Variants in TTN observed in about 807,000 individuals in gnomAD.
TTN encodes titin.
Under a neutral mutation model 3,223.0 loss-of-function variants are expected in TTN, and 1,525 were observed. That is an observed-to-expected ratio of 0.47 (90% confidence interval 0.45 to 0.49). The LOEUF (loss-of-function observed/expected upper bound fraction) is 0.49. Among genes scored for constraint, TTN ranks in the 20% least tolerant of loss-of-function variants. The pLI, the probability that TTN is intolerant of heterozygous loss-of-function variation, is 0.00. For missense variants in TTN, 40,786 were observed against 43,424.0 expected (o/e 0.94, Z 5.40); for synonymous variants, 14,094 against 15,161.0 (o/e 0.93, Z 5.17).
Position 178,681,159 on chromosome 2 carries a change from G to A in TTN, c.33260C>T (p.Pro11087Leu). 6.2e-7 allele frequency: 1 copy of A among 1,600,872 alleles called. No homozygotes were observed. The highest frequency in any genetic ancestry group is 1.1e-5 in the South Asian group (1 of 87,132). The stretch of plus-strand genomic sequence containing the variant: ...TATTTTTTCCTCAAAAACTTTCTTT[G>A]GTTCTTCAGGCACTTTAAAGATATT... Reference protein sequence around the residue: ...KPPPPKVPEEPKKVFEEKIRI... With the variant: ...KPPPPKVPEELKKVFEEKIRI... The change falls in exon 138 of 363, where the codon CCA becomes CTA. Residue 11087 changes from proline (P) to leucine (L), a missense_variant. Physicochemically the swap from Pro to Leu is moderately conservative, Grantham distance 98. Coordinates refer to ENST00000589042, the MANE Select transcript of TTN (RefSeq NM_001267550.2).
chr2:178,719,974 G>A lies in TTN; in HGVS notation c.23659+9C>T. ...TTGATTTTTTCTCTGGCTGTGCTTT[G>A]CTACTAACCTAGTACAGTCAAGACT... On this transcript the variant is annotated intron_variant, in intron 81 of 362. Transcript: ENST00000589042. The A allele has an allele frequency of 6.3e-7, 1 of 1,581,300 alleles. No homozygotes were observed. Among genetic ancestry groups the A allele is most frequent in the African/African-American group, 1.4e-5 (1 of 73,876 alleles).
intron 49 of TTN, chr2:178,737,860 C>T: frequency 2.1e-6 from 1 of 483,294 alleles, no homozygotes; most frequent in Non-Finnish European, 3.5e-6. Context: ...ACTTTGTTCT[C>T]AAATAATAAA....
intron 287 of TTN, 33 bp downstream of exon 287, chr2:178,601,232 G>C (rs1349331023): frequency 1.3e-6 from 2 of 1,518,866 alleles, no homozygotes; most frequent in Non-Finnish European, 1.8e-6. Context: ...TCAATTTTGA[G>C]AAGATATTTT....
chr2:178,633,324 G>A lies in TTN; in HGVS notation c.42949C>T (p.Arg14317Ter), dbSNP rs376799532. The change falls in exon 233 of 363, where the codon CGA (arginine) becomes TGA (stop). Residue 14317 changes from arginine (R) to a stop codon, truncating the protein, a stop_gained and splice_region_variant. Transcript: ENST00000589042. LOFTEE classifies it high-confidence loss of function. Reference protein sequence around the residue: ...KTKANVTVEARLIKVEKPLYG... With the variant: ...KTKANVTVEA ...AGAGGCTTTTCCACTTTTATTAGTCGAGCTGAAATGATACAGTTTTGTTAG... is the reference window on the plus strand; with the variant it reads ...AGAGGCTTTTCCACTTTTATTAGTCAAGCTGAAATGATACAGTTTTGTTAG... 6.2e-7 allele frequency: 1 copy of A among 1,612,738 alleles called. No homozygotes were observed. The highest frequency in any genetic ancestry group is 8.5e-7 in the Non-Finnish European group (1 of 1,179,366).
intron 146 of TTN, 92 bp downstream of exon 146, chr2:178,677,529 G>T (rs751963355): frequency 4.5e-6 from 6 of 1,328,434 alleles, no homozygotes; most frequent in Non-Finnish European, 6.1e-6. Context: ...GAGGGTAAAG[G>T]ATTATAGATA....
In TTN at chr2:178,709,580, G is replaced by A. The variant is rs375212459; in HGVS notation, c.28739C>T (p.Ser9580Leu). 6.2e-7 allele frequency: 1 copy of A among 1,605,486 alleles called. No individual in the cohort carries two copies. ...NDAGSALCTS[S>L]IVIKEPKKPP... ...GGATAACTCACCTTTGATGACGATT[G>A]AAGACGTGCACAGAGCAGAGCCTGC... is the stretch of plus-strand genomic sequence containing the variant. The change falls in exon 99 of 363, where the codon TCA becomes TTA. Residue 9580 changes from serine (S) to leucine (L), a missense_variant. By Grantham distance (145) the Ser-to-Leu change is moderately radical. Coordinates refer to ENST00000589042, the MANE Select transcript of TTN (RefSeq NM_001267550.2).
chr2:178,666,119 T>C (rs980889449), intron 163 of TTN, among the ~76,000 whole-genome samples: 11 of 152,176 alleles, frequency 7.2e-5, no homozygotes, highest in African/African-American at 2.4e-4. Context: ...TCGAAAAATC[T>C]AGGTCGGCAT....
intron 2 of TTN, among the ~76,000 whole-genome samples, 161 bp downstream of exon 2, chr2:178,804,391 T>C (rs1006111267): frequency 6.6e-6 from 1 of 152,220 alleles, no homozygotes; most frequent in Non-Finnish European, 1.5e-5. Context: ...TTGTCAGTAC[T>C]CTGTGAATGG....
At position 178,717,061 on chromosome 2, in the gene TTN, A is replaced by G. The variant is rs971830067; in HGVS notation, c.25639+34T>C. The G allele has an allele frequency of 8.9e-6, 14 of 1,573,954 alleles. No individual in the cohort carries two copies. In the African/African-American group the frequency reaches 1.8e-4, roughly 20 times the overall value. The stretch of plus-strand genomic sequence containing the variant: ...CTATATTTTAAGATACTGAAAATGT[A>G]AAAGAGATCTTGCTCCTTCACTCTA... On this transcript the variant is annotated intron_variant, in intron 88 of 362. Transcript: ENST00000589042.
At chr2:178,537,994 G>A in intron 354 of TTN, 77 bp from the exon 355 acceptor site, 39 of 1,268,696 alleles carry the variant, frequency 3.1e-5, no homozygotes, top group Non-Finnish European at 4.2e-5. Context: ...TATCAGGAAT[G>A]AATTTACCTT....
chr2:178,646,735 TATTA>T (rs563286342), intron 215 of TTN, among the ~76,000 whole-genome samples, 176 bp from the exon 216 acceptor site: 104 of 152,150 alleles, frequency 6.8e-4, no homozygotes, highest in Non-Finnish European at 1.3e-3. Flanking sequence ...TTGAACTGCC[TATTA>T]ATTAGATTAT....
At position 178,714,459 on chromosome 2, in the gene TTN, T is replaced by A; in HGVS notation, c.26315A>T (p.Asp8772Val). The A allele has an allele frequency of 6.2e-7, 1 of 1,613,670 alleles. No homozygotes were observed. Among genetic ancestry groups the A allele is most frequent in the African/African-American group, 1.3e-5 (1 of 75,020 alleles). ...AEPISVVWFK[D>V]KGEIVRESDN... ...ACTTTCTCTAACGATTTCTCCCTTATCTTTGAACCACACCACTGAAATGGG... is the reference window on the plus strand; with the variant it reads ...ACTTTCTCTAACGATTTCTCCCTTAACTTTGAACCACACCACTGAAATGGG... Residue 8772 changes from aspartate (D) to valine (V), a missense_variant, in exon 91 of 363, where the codon GAT (aspartate) becomes GTT (valine). Coordinates refer to ENST00000589042, the MANE Select transcript of TTN (RefSeq NM_001267550.2).
rs2094110497 is a variant in TTN, at chr2:178,802,327, C to T, written c.106G>A (p.Glu36Lys). Reference sequence around the variant, plus strand: ...TGGCCATCCCTAAACCAGCTCACCTCAGGAACTGGAAAACCTGAAGAGCAA... The same window carrying T: ...TGGCCATCCCTAAACCAGCTCACCTTAGGAACTGGAAAACCTGAAGAGCAA... ...EAHISGFPVP[E>K]VSWFRDGQVI... Residue 36 changes from glutamate to lysine, a missense_variant, in exon 3 of 363, where the codon GAG becomes AAG. Glu to Lys is a moderately conservative substitution (Grantham distance 56). Transcript: ENST00000589042. The T allele has an allele frequency of 6.2e-7, 1 of 1,614,046 alleles. No individual in the cohort carries two copies. The highest frequency in any genetic ancestry group is 1.7e-5 in the Admixed American group (1 of 60,016).
At chr2:178,762,559 G>C (rs1004129716) in intron 43 of TTN, among the ~76,000 whole-genome samples, 1 of 152,060 alleles carries the variant, frequency 6.6e-6, no homozygotes, top group African/African-American at 2.4e-5. Flanking sequence ...TTACTACTTT[G>C]AATGATGTAC....
rs754848806 is a variant in TTN, at chr2:178,730,133, A to T, written c.18267T>A (p.Asp6089Glu). ...TGGCTTTGCTGGTTGCTGTGCCAAC[A>T]TCATTGCTTAGTTGGCAAATGTAGG... ...SGTYICQLSNDVGTATSKATL... is the reference protein window; with the variant it reads ...SGTYICQLSNEVGTATSKATL... The change falls in exon 62 of 363, where the codon GAT (aspartate) becomes GAA (glutamate). Residue 6089 changes from aspartate (D) to glutamate (E), a missense_variant. Physicochemically the swap from Asp to Glu is conservative, Grantham distance 45 (BLOSUM62 2). Transcript: ENST00000589042. 63 of 1,613,186 alleles carry T rather than the reference A, an allele frequency of 3.9e-5. No individual in the cohort carries two copies. Among genetic ancestry groups the T allele is most frequent in the East Asian group, 1.1e-4 (5 of 44,790 alleles).
rs753874904 is a variant in TTN, at chr2:178,542,800, G to C, written c.97054C>G (p.Arg32352Gly). The change falls in exon 348 of 363, where the codon CGT (arginine) becomes GGT (glycine). Residue 32352 changes from arginine to glycine, a missense_variant. By Grantham distance (125) the Arg-to-Gly change is moderately radical. Coordinates refer to ENST00000589042, the MANE Select transcript of TTN (RefSeq NM_001267550.2). ...TTAGTGTGAGTTTCAACTGTGACAC[G>C]CTCTGATTCTCTCAGTTTAGAACCA... ...FAGSKLRESE[R>G]VTVETHTKVA... 1.2e-6 allele frequency: 2 copies of C among 1,613,738 alleles called. No homozygotes were observed. The highest frequency in any genetic ancestry group is 4.5e-5 in the East Asian group (2 of 44,856).
chr2:178,618,390 T>G lies in TTN; in HGVS notation c.47068A>C (p.Ile15690Leu). ...EPLTDGGSKI[I>L]GYVVERRDIK... ...TCACGTCTTTCAACAACGTAACCTA[T>G]GATTTTGCTTCCACCATCAGTTAAA... The change falls in exon 252 of 363, where the codon ATA (isoleucine) becomes CTA (leucine). Residue 15690 changes from isoleucine (I) to leucine (L), a missense_variant. By Grantham distance (5) the Ile-to-Leu change is conservative. Coordinates refer to ENST00000589042, the MANE Select transcript of TTN (RefSeq NM_001267550.2). The G allele has an allele frequency of 6.2e-7, 1 of 1,612,474 alleles. No homozygotes were observed. Among genetic ancestry groups the G allele is most frequent in the South Asian group, 1.1e-5 (1 of 91,056 alleles).
intron 21 of TTN, 34 bp from the exon 22 acceptor site, chr2:178,780,239 C>A (rs764716028): frequency 6.4e-7 from 1 of 1,564,996 alleles, no homozygotes; most frequent in Non-Finnish European, 8.8e-7. Context: ...ATTTTTAATG[C>A]TCTTATTAGA....
chr2:178,778,313 T>C, intron 24 of TTN: 1 of 311,622 alleles, frequency 3.2e-6, no homozygotes, highest in Non-Finnish European at 6.0e-6. Context: ...AACATCCTAA[T>C]AAATGTTGGT....
Sources: allele counts gnomAD v4.1 joint callset (sites outside exome capture counted in the v4.1 genomes callset), GRCh38; gene constraint gnomAD v4.1.1; transcripts MANE v1.5; gene names NCBI Gene and HGNC (gene_info 2026-07-23, HGNC 2026-07-21).